The following ZNF277 variants were observed in gnomAD, a reference collection of about 807,000 sequenced individuals.
ZNF277 encodes the protein zinc finger protein 277.
ZNF277 carries 55 observed loss-of-function variants against 60.7 expected under a neutral mutation model. That is an observed-to-expected ratio of 0.91 (90% confidence interval 0.73 to 1.13). The LOEUF is 1.13. Among genes scored for constraint, ZNF277 ranks in the 50% most tolerant of loss-of-function variants. The pLI is 0.00. For missense variants in ZNF277, 510 were observed against 523.0 expected (o/e 0.98, Z 0.24); for synonymous variants, 178 against 179.3 (o/e 0.99, Z 0.06).
intron 1 of ZNF277, among the ~76,000 whole-genome samples, chr7:112,218,306 A>G (rs765228823): frequency 9.2e-5 from 14 of 152,212 alleles, no homozygotes; most frequent in Non-Finnish European, 1.6e-4. Flanking sequence ...AAGAACCACA[A>G]TAGACTTCAG....
chr7:112,343,253 G>C lies in ZNF277; in HGVS notation c.*524G>C, dbSNP rs1793479681. ...CAAAGACGTGGATAATATGCAAATT[G>C]GCCATTATATTAGAACAATCAAGAG... On this transcript the variant is annotated 3_prime_UTR_variant, in exon 12 of 12. Coordinates refer to ENST00000361822, the MANE Select transcript of ZNF277 (RefSeq NM_021994.3). 6.6e-6 allele frequency among the ~76,000 whole-genome samples: 1 copy of C among 152,138 alleles called. No individual in the cohort carries two copies. Among genetic ancestry groups the C allele is most frequent in the Admixed American group, 6.5e-5 (1 of 15,274 alleles).
intron 1 of ZNF277, among the ~76,000 whole-genome samples, chr7:112,242,123 C>T (rs1181811507): frequency 6.6e-6 from 1 of 151,892 alleles, no homozygotes; most frequent in Non-Finnish European, 1.5e-5. Context: ...TAAATAAACA[C>T]ATATACTGTT....
intron 1 of ZNF277, among the ~76,000 whole-genome samples, chr7:112,219,084 A>T (rs974116934): frequency 2.0e-5 from 3 of 152,074 alleles, no homozygotes; most frequent in Admixed American, 6.6e-5. Flanking sequence ...ATTCCCACCA[A>T]CAGTGTACAG....
At chr7:112,281,956 C>G (rs980432678) in intron 1 of ZNF277, among the ~76,000 whole-genome samples, 1 of 152,184 alleles carries the variant, frequency 6.6e-6, no homozygotes, top group Non-Finnish European at 1.5e-5. Context: ...CCTCAGTCTC[C>G]CGAGTAGCTG....
intron 11 of ZNF277, among the ~76,000 whole-genome samples, chr7:112,341,426 C>G (rs1793442777): frequency 6.6e-6 from 1 of 152,186 alleles, no homozygotes; most frequent in East Asian, 1.9e-4. Context: ...ATAATCTATT[C>G]TGCGAGATAC....
chr7:112,319,901 T>G (rs1486636148), intron 5 of ZNF277, among the ~76,000 whole-genome samples: 6 of 151,714 alleles, frequency 4.0e-5, no homozygotes, highest in Admixed American at 3.9e-4. Context: ...AACTTAAAAG[T>G]ACCAGTGAAA....
intron 1 of ZNF277, among the ~76,000 whole-genome samples, chr7:112,226,586 A>G (rs989797942): frequency 6.6e-6 from 1 of 152,158 alleles, no homozygotes; most frequent in Non-Finnish European, 1.5e-5. Flanking sequence ...TTTCTGACCT[A>G]CTGTTCCAGA....
chr7:112,267,951 T>G (rs758156423), intron 1 of ZNF277, among the ~76,000 whole-genome samples: 2 of 152,292 alleles, frequency 1.3e-5, no homozygotes, highest in South Asian at 2.1e-4. Flanking sequence ...GGGACAGATA[T>G]GCATTTTTGT....
intron 5 of ZNF277, among the ~76,000 whole-genome samples, chr7:112,319,637 A>G (rs1294939838): frequency 1.4e-5 from 2 of 147,946 alleles, no homozygotes; most frequent in African/African-American, 4.9e-5. Flanking sequence ...GAATTTATAA[A>G]TTATAATTTA....
intron 9 of ZNF277, among the ~76,000 whole-genome samples, chr7:112,338,195 T>C (rs982924955): frequency 9.9e-5 from 15 of 152,086 alleles, no homozygotes; most frequent in African/African-American, 3.6e-4. Flanking sequence ...CCCGGAGGAA[T>C]AGGGAAAAAG....
intron 1 of ZNF277, among the ~76,000 whole-genome samples, chr7:112,253,011 A>G (rs1440148718): frequency 6.6e-6 from 1 of 152,166 alleles, no homozygotes; most frequent in Non-Finnish European, 1.5e-5. Flanking sequence ...AAATCACAAT[A>G]TGGTTTGATA....
chr7:112,211,372 T>C (rs1821744749), intron 1 of ZNF277, among the ~76,000 whole-genome samples: 1 of 152,252 alleles, frequency 6.6e-6, no homozygotes, highest in African/African-American at 2.4e-5. Flanking sequence ...TATTCATAGC[T>C]ACAGCCACTG....
chr7:112,296,908 A>ATTTATTTT (rs1792356675), intron 4 of ZNF277, among the ~76,000 whole-genome samples: 4 of 37,186 alleles, frequency 1.1e-4, no homozygotes, highest in Admixed American at 4.2e-4. Context: ...TTATTTATTT[A>ATTTATTTT]TTTATTTTTT....
At chr7:112,332,191 A>G (rs1490975467) in intron 7 of ZNF277, among the ~76,000 whole-genome samples, 3 of 152,222 alleles carry the variant, frequency 2.0e-5, no homozygotes, top group African/African-American at 7.2e-5. Flanking sequence ...TGAAAATTAA[A>G]TTACAACTTT....
intron 2 of ZNF277, among the ~76,000 whole-genome samples, chr7:112,289,955 A>C (rs1002753059): frequency 1.3e-5 from 2 of 151,916 alleles, no homozygotes; most frequent in Non-Finnish European, 2.9e-5. Context: ...GGTTAGTTAC[A>C]CACGTATACA....
rs1792313000 is a variant in ZNF277 at position 112,295,874 on chromosome 7, T to C, written c.299T>C (p.Ile100Thr). 1.2e-6 allele frequency: 2 copies of C among 1,611,084 alleles called. No homozygotes were observed. The highest frequency in any genetic ancestry group is 4.5e-5 in the East Asian group (2 of 44,684). Reference protein sequence around the residue: ...VKLVADFQRYILYWRKRFTEQ... With the variant: ...VKLVADFQRYTLYWRKRFTEQ... ...TTATTTTATGTTGTTCTAAGGTACATTTTATATTGGAGGAAAAGGTTCACT... is the reference window on the plus strand; with the variant it reads ...TTATTTTATGTTGTTCTAAGGTACACTTTATATTGGAGGAAAAGGTTCACT... Residue 100 changes from isoleucine (I) to threonine (T), a missense_variant, in exon 3 of 12, where the codon ATT becomes ACT. Physicochemically the swap from Ile to Thr is moderately conservative, Grantham distance 89 (BLOSUM62 -1). Coordinates refer to ENST00000361822, the MANE Select transcript of ZNF277 (RefSeq NM_021994.3).
chr7:112,336,720 TTAA>T (rs1793341275), intron 8 of ZNF277, among the ~76,000 whole-genome samples: 1 of 152,178 alleles, frequency 6.6e-6, no homozygotes, highest in Non-Finnish European at 1.5e-5. Flanking sequence ...TATTATTATT[TTAA>T]TAGTGAGGTA....
chr7:112,218,028 TA>T (rs1236228111), intron 1 of ZNF277, among the ~76,000 whole-genome samples: 1 of 152,142 alleles, frequency 6.6e-6, no homozygotes, highest in Non-Finnish European at 1.5e-5. Context: ...AAATTATCCT[TA>T]AAAATTCCGA....
At chr7:112,283,605 T>G (rs1791996475) in intron 1 of ZNF277, among the ~76,000 whole-genome samples, 2 of 152,218 alleles carry the variant, frequency 1.3e-5, no homozygotes, top group Admixed American at 1.3e-4. Context: ...ATTCATGATT[T>G]TGTTTCTAGA....
Sources: allele counts gnomAD v4.1 joint callset (sites outside exome capture counted in the v4.1 genomes callset), GRCh38; gene constraint gnomAD v4.1.1; transcripts MANE v1.5; gene names NCBI Gene and HGNC (gene_info 2026-07-23, HGNC 2026-07-21).